The following SEL1L3 variants were observed in gnomAD, a reference collection of about 807,000 sequenced individuals.
SEL1L3 encodes the protein protein sel-1 homolog 3.
SEL1L3 carries 76 observed loss-of-function variants against 142.8 expected under a neutral mutation model. The ratio of observed to expected loss-of-function variants is 0.53; its 90% confidence interval spans 0.44 to 0.64. SEL1L3 has a LOEUF of 0.64. Ranked by LOEUF, SEL1L3 falls within the 30% of genes least tolerant of loss-of-function variation. The probability of loss-of-function intolerance (pLI) is 0.00; values close to 1 mark genes in which losing one functional copy is unlikely to be tolerated. For missense variants in SEL1L3, 1,262 were observed against 1,381.7 expected (o/e 0.91, Z 1.37); for synonymous variants, 504 against 519.6 (o/e 0.97, Z 0.41).
At chr4:25,816,774 C>G (rs1714418911) in intron 9 of SEL1L3, among the ~76,000 whole-genome samples, 2 of 152,158 alleles carry the variant, frequency 1.3e-5, no homozygotes, top group African/African-American at 2.4e-5. Context: ...TCCTGCCTCC[C>G]CATTGTCACA....
chr4:25,795,179 C>T (rs1430100967), intron 11 of SEL1L3, among the ~76,000 whole-genome samples: 1 of 152,096 alleles, frequency 6.6e-6, no homozygotes, highest in Non-Finnish European at 1.5e-5. Flanking sequence ...ACAACCTTCA[C>T]GTCCTGCACC....
intron 14 of SEL1L3, among the ~76,000 whole-genome samples, chr4:25,782,980 G>A (rs1711535286): frequency 6.6e-6 from 1 of 152,198 alleles, no homozygotes. Context: ...GGATGGCAGC[G>A]AAGAATGAGA....
At chr4:25,769,174 G>T (rs1718977690) in intron 17 of SEL1L3, among the ~76,000 whole-genome samples, 2 of 152,094 alleles carry the variant, frequency 1.3e-5, no homozygotes, top group South Asian at 4.2e-4. Flanking sequence ...GAAACGGTGG[G>T]GAAAGGTTCG....
intron 11 of SEL1L3, among the ~76,000 whole-genome samples, chr4:25,795,684 C>A (rs113909066): frequency 8.5e-5 from 13 of 152,298 alleles, no homozygotes; most frequent in African/African-American, 2.4e-4. Context: ...GCCCTGGAGC[C>A]ACCACACGCT....
intron 9 of SEL1L3, among the ~76,000 whole-genome samples, chr4:25,812,828 C>T (rs1714121878): frequency 6.6e-6 from 1 of 151,772 alleles, no homozygotes; most frequent in South Asian, 2.1e-4. Context: ...GCCTGGCCAA[C>T]ATGGCAAAAC....
At chr4:25,834,817 G>A (rs1715688491) in intron 3 of SEL1L3, among the ~76,000 whole-genome samples, 1 of 152,154 alleles carries the variant, frequency 6.6e-6, no homozygotes, top group African/African-American at 2.4e-5. Flanking sequence ...CAATGGAGGA[G>A]ATCAGAAGTT....
At chr4:25,809,018 A>C (rs1272178066) in intron 9 of SEL1L3, among the ~76,000 whole-genome samples, 2 of 144,274 alleles carry the variant, frequency 1.4e-5, no homozygotes, top group South Asian at 4.6e-4. Flanking sequence ...GCTTGCAGTG[A>C]GCCGAGATCG....
At chr4:25,732,145 C>T in the SEL1L3 span, among the ~76,000 whole-genome samples, 8 of 151,956 alleles carry the variant, frequency 5.3e-5, no homozygotes, top group Non-Finnish European at 7.4e-5. Context: ...TTGGTGTACA[C>T]GTGGACATAT....
intron 2 of SEL1L3, among the ~76,000 whole-genome samples, chr4:25,842,603 G>C (rs1422554490): frequency 2.0e-5 from 3 of 152,170 alleles, no homozygotes; most frequent in African/African-American, 7.2e-5. Flanking sequence ...GTGGCCCTAG[G>C]GAAGGAGCAC....
intron 9 of SEL1L3, among the ~76,000 whole-genome samples, chr4:25,807,864 C>T (rs1713706723): frequency 6.6e-6 from 1 of 152,186 alleles, no homozygotes; most frequent in Non-Finnish European, 1.5e-5. Context: ...CAGGTTGAAA[C>T]ACAGGCAGTT....
Position 25,816,500 on chromosome 4 carries a change from C to T in SEL1L3, c.1564+1638G>A, listed in dbSNP as rs564246185. Among the ~76,000 whole-genome samples, 236 of 152,288 alleles carry T rather than the reference C, an allele frequency of 1.5e-3. 1 individual carries two copies. The highest frequency in any genetic ancestry group is 1.9e-3 in the Non-Finnish European group (130 of 68,030). On this transcript the variant is annotated intron_variant, in intron 9 of 23. Coordinates refer to ENST00000399878, the MANE Select transcript of SEL1L3 (RefSeq NM_015187.5). ...GAGCCCATCTCTACATCCTTCAGCTCTGTTCCTGTCACCATGTCCCACTCA... is the reference window on the plus strand; with the variant it reads ...GAGCCCATCTCTACATCCTTCAGCTTTGTTCCTGTCACCATGTCCCACTCA...
chr4:25,772,958 C>G (rs752145939), intron 17 of SEL1L3, among the ~76,000 whole-genome samples: 1 of 152,042 alleles, frequency 6.6e-6, no homozygotes, highest in African/African-American at 2.4e-5. Context: ...CCATCACACC[C>G]GGCTAATTTT....
chr4:25,823,997 C>T (rs771234331), intron 6 of SEL1L3, among the ~76,000 whole-genome samples: 15 of 152,166 alleles, frequency 9.9e-5, no homozygotes, highest in Non-Finnish European at 2.1e-4. Context: ...CAACATCGAA[C>T]GTCTAGAGAT....
chr4:25,781,200 T>C (rs895305571), intron 15 of SEL1L3, among the ~76,000 whole-genome samples: 1 of 152,070 alleles, frequency 6.6e-6, no homozygotes, highest in Admixed American at 6.5e-5. Context: ...CCCCTCCTAT[T>C]ATATATTTAT....
At chr4:25,815,206 A>G (rs567459551) in intron 9 of SEL1L3, among the ~76,000 whole-genome samples, 13 of 152,296 alleles carry the variant, frequency 8.5e-5, no homozygotes, top group Admixed American at 4.6e-4. Flanking sequence ...TGGCACCAGA[A>G]GACCCCAATG....
At chr4:25,795,464 G>A (rs1006090711) in intron 11 of SEL1L3, among the ~76,000 whole-genome samples, 4 of 152,330 alleles carry the variant, frequency 2.6e-5, no homozygotes, top group East Asian at 3.9e-4. Context: ...AGAACTGGGG[G>A]AGGGTGTGTT....
intron 1 of SEL1L3, chr4:25,861,700 T>G (rs997132129): frequency 6.6e-6 from 1 of 152,034 alleles, no homozygotes; most frequent in African/African-American, 2.4e-5. Flanking sequence ...CATTTTCCAT[T>G]TCATTTATTT....
rs375565033 is a variant in SEL1L3 at position 25,825,914 on chromosome 4, C to T, written c.1158-3786G>A. ...GTCTCCATCTCTTGACCTCATGATC[C>T]GCCTGCTTCGGCCTCCCAAAGTGCT... On this transcript the variant is annotated intron_variant, in intron 6 of 23. Transcript: ENST00000399878. Among the ~76,000 whole-genome samples, 19 of 152,026 alleles carry T rather than the reference C, an allele frequency of 1.2e-4. No individual in the cohort carries two copies. The East Asian group carries it at 2.9e-3, about 23-fold the overall frequency.
chr4:25,792,244 T>C (rs1200166246), intron 11 of SEL1L3, among the ~76,000 whole-genome samples: 1 of 152,170 alleles, frequency 6.6e-6, no homozygotes, highest in Non-Finnish European at 1.5e-5. Flanking sequence ...AAAGCTTCGA[T>C]CCAGGTATCA....
Sources: gnomAD v4.1 joint callset for allele counts (sites outside exome capture counted in the v4.1 genomes callset) on GRCh38, gnomAD v4.1.1 for gene constraint, MANE v1.5 for transcripts, NCBI Gene and HGNC (gene_info 2026-07-23, HGNC 2026-07-21) for gene names.